The following KIAA1328 variants were observed in gnomAD, a reference collection of about 807,000 sequenced individuals.
KIAA1328 encodes KIAA1328, also known as protein hinderin.
A neutral mutation model predicts 68.1 loss-of-function variants in KIAA1328; 52 were observed. The observed-to-expected ratio is 0.76, with a 90% CI of 0.61 to 0.96. The LOEUF is 0.96. Ranked by LOEUF, KIAA1328 falls within the 40% of genes least tolerant of loss-of-function variation. The pLI, the probability that KIAA1328 is intolerant of heterozygous loss-of-function variation, is 0.00. For synonymous variants in KIAA1328, 232 were observed against 239.4 expected (o/e 0.97, Z 0.28); for missense variants, 641 against 677.6 (o/e 0.95, Z 0.60).
chr18:36,937,964 A>G (rs111371296), intron 5 of KIAA1328, among the ~76,000 whole-genome samples: 5 of 152,062 alleles, frequency 3.3e-5, no homozygotes, highest in South Asian at 4.1e-4. Flanking sequence ...TGGGTGATCA[A>G]TATTCCATTC....
At chr18:37,064,525 A>G (rs1036167543) in intron 6 of KIAA1328, among the ~76,000 whole-genome samples, 3 of 145,622 alleles carry the variant, frequency 2.1e-5, no homozygotes, top group Non-Finnish European at 3.0e-5. Context: ...TAGGCATGGT[A>G]GACTGAAAGT....
At chr18:36,856,832 T>C (rs1257381064) in intron 4 of KIAA1328, among the ~76,000 whole-genome samples, 1 of 152,170 alleles carries the variant, frequency 6.6e-6, no homozygotes, top group African/African-American at 2.4e-5. Context: ...GAGTTTGCTG[T>C]TGTTGCTTGT....
intron 4 of KIAA1328, among the ~76,000 whole-genome samples, chr18:36,872,800 A>G (rs1196999297): frequency 2.0e-5 from 3 of 152,254 alleles, no homozygotes; most frequent in African/African-American, 7.2e-5. Context: ...GGAATTTAAA[A>G]TAACTGATTA....
chr18:36,912,953 T>A (rs1275222897), intron 5 of KIAA1328, among the ~76,000 whole-genome samples: 3 of 152,198 alleles, frequency 2.0e-5, no homozygotes, highest in Non-Finnish European at 2.9e-5. Flanking sequence ...TGGAGTTACC[T>A]GTTTTAGTCA....
At chr18:36,984,906 A>C (rs2052851439) in intron 6 of KIAA1328, among the ~76,000 whole-genome samples, 1 of 7,750 alleles carries the variant, frequency 1.3e-4, no homozygotes, top group Admixed American at 1.7e-3. Flanking sequence ...CTCCATCTCA[A>C]AAAAAAAAAA....
chr18:37,151,462 G>A (rs1301222073), intron 7 of KIAA1328, among the ~76,000 whole-genome samples: 1 of 152,144 alleles, frequency 6.6e-6, no homozygotes, highest in Admixed American at 6.6e-5. Context: ...GACTAGAATA[G>A]CAGTGACAGT....
intron 5 of KIAA1328, among the ~76,000 whole-genome samples, chr18:36,889,582 C>G (rs546813281): frequency 5.3e-5 from 8 of 152,172 alleles, no homozygotes; most frequent in Non-Finnish European, 1.2e-4. Flanking sequence ...GAGTAGCTAT[C>G]TGATCCCTTG....
intron 6 of KIAA1328, among the ~76,000 whole-genome samples, chr18:37,040,937 T>G (rs1358282593): frequency 2.0e-5 from 3 of 151,768 alleles, no homozygotes; most frequent in African/African-American, 7.2e-5. Context: ...CTTTTAAATT[T>G]GTAAATTTTT....
intron 7 of KIAA1328, among the ~76,000 whole-genome samples, chr18:37,127,926 G>T (rs542521143): frequency 6.6e-6 from 1 of 151,996 alleles, no homozygotes; most frequent in East Asian, 1.9e-4. Flanking sequence ...ATGTTCAATT[G>T]ATATTTTTTA....
Position 36,830,583 on chromosome 18 carries a change from G to C in KIAA1328, c.58+1387G>C, listed in dbSNP as rs546936291. 4.6e-5 allele frequency among the ~76,000 whole-genome samples: 7 copies of C among 152,136 alleles called. No individual in the cohort carries two copies. The South Asian group carries it at 6.2e-4, about 14-fold the overall frequency. On this transcript the variant is annotated intron_variant, in intron 1 of 9. Coordinates refer to ENST00000280020, the MANE Select transcript of KIAA1328 (RefSeq NM_020776.3). Reference sequence around the variant, plus strand: ...TTCAAATATAGAATCAATGGTTTGGGGGGGGGACAAGCTATTGCAATGGGA... The same window carrying C: ...TTCAAATATAGAATCAATGGTTTGGCGGGGGGACAAGCTATTGCAATGGGA...
rs568993756 is a variant in KIAA1328, at chr18:36,980,623, AATT to A, written c.576+21192_576+21194del. Among the ~76,000 whole-genome samples the A allele has an allele frequency of 4.0e-4, 61 of 152,246 alleles. No individual in the cohort carries two copies. The South Asian group carries it at 0.011, about 28-fold the overall frequency. ...AGTGAAAGGAAGTAATGAGAAGTAC[AATT>A]ATTCTGGAGTTAATTCCAGCTGACA... On this transcript the variant is annotated intron_variant, in intron 6 of 9. Transcript: ENST00000280020.
intron 4 of KIAA1328, among the ~76,000 whole-genome samples, chr18:36,860,214 T>C (rs962469524): frequency 6.6e-6 from 1 of 152,182 alleles, no homozygotes; most frequent in Non-Finnish European, 1.5e-5. Flanking sequence ...GTATTTTGAA[T>C]ACGTTCATAT....
At chr18:37,045,734 A>G (rs971649340) in intron 6 of KIAA1328, among the ~76,000 whole-genome samples, 1 of 152,058 alleles carries the variant, frequency 6.6e-6, no homozygotes, top group African/African-American at 2.4e-5. Context: ...TTCCTTTTAC[A>G]TGTACTGTTT....
At chr18:37,163,924 A>T (rs1434955944) in intron 8 of KIAA1328, among the ~76,000 whole-genome samples, 2 of 152,244 alleles carry the variant, frequency 1.3e-5, no homozygotes. Context: ...AGCATAGTAG[A>T]GGGCTATGAA....
At chr18:37,045,076 G>A (rs2055412663) in intron 6 of KIAA1328, among the ~76,000 whole-genome samples, 1 of 152,104 alleles carries the variant, frequency 6.6e-6, no homozygotes, top group South Asian at 2.1e-4. Context: ...TTAGGAGTTA[G>A]CACTAAAAAT....
chr18:37,002,052 A>G (rs1316517733), intron 6 of KIAA1328, among the ~76,000 whole-genome samples: 3 of 152,094 alleles, frequency 2.0e-5, no homozygotes, highest in Non-Finnish European at 4.4e-5. Flanking sequence ...ATTGGAAAAG[A>G]GGAAATCAAA....
intron 7 of KIAA1328, chr18:37,084,249 A>T (rs1259965993): frequency 5.8e-6 from 8 of 1,389,354 alleles, no homozygotes; most frequent in Non-Finnish European, 7.7e-6. Flanking sequence ...CTGAAGTCTC[A>T]GTTAAAACAA....
chr18:37,160,413 A>G (rs1180450318), intron 8 of KIAA1328, 32 bp downstream of exon 8: 1 of 1,581,168 alleles, frequency 6.3e-7, no homozygotes, highest in East Asian at 2.2e-5. Context: ...GCAAAATGAG[A>G]AACTGGTAGG....
chr18:37,184,412 A>C (rs1476284791), intron 9 of KIAA1328, among the ~76,000 whole-genome samples: 1 of 152,232 alleles, frequency 6.6e-6, no homozygotes, highest in African/African-American at 2.4e-5. Context: ...TGTCGGTATC[A>C]ATGAGGATAT....
Sources: allele counts gnomAD v4.1 joint callset (sites outside exome capture counted in the v4.1 genomes callset), GRCh38; gene constraint gnomAD v4.1.1; transcripts MANE v1.5; gene names NCBI Gene and HGNC (gene_info 2026-07-23, HGNC 2026-07-21).